SSH2: variants seen among roughly 807,000 people sequenced by gnomAD.
The protein encoded by SSH2 is slingshot protein phosphatase 2.
A neutral mutation model predicts 135.2 loss-of-function variants in SSH2; 37 were observed. The observed-to-expected ratio is 0.27, with a 90% CI of 0.21 to 0.36. SSH2 has a LOEUF of 0.36. Among genes scored for constraint, SSH2 ranks in the 10% least tolerant of loss-of-function variants. SSH2 has a pLI of 1.00. For missense variants in SSH2, 1,408 were observed against 1,765.3 expected (o/e 0.80, Z 3.63); for synonymous variants, 628 against 646.2 (o/e 0.97, Z 0.43).
chr17:29,755,699 T>C (rs990769610), intron 3 of SSH2, among the ~76,000 whole-genome samples: 5 of 150,472 alleles, frequency 3.3e-5, no homozygotes, highest in Admixed American at 6.6e-5. Context: ...TCTCGCTCTT[T>C]CGCCCAGGCT....
intron 1 of SSH2, among the ~76,000 whole-genome samples, chr17:29,914,362 C>T (rs541085223): frequency 6.6e-6 from 1 of 151,790 alleles, no homozygotes; most frequent in Non-Finnish European, 1.5e-5. Context: ...GAGTTTGAGA[C>T]CAACCTGGGC....
rs750894226 is a variant in SSH2 at position 29,631,336 on chromosome 17, A to G, written c.3858T>C (p.Ser1286=). The change falls in exon 16 of 16, where the codon TCT becomes TCC. Residue 1286 remains serine, a synonymous_variant. Transcript: ENST00000540801. The part of the protein sequence containing the change: ...TKPSQMRRSA[S]LAKLGYLDLC... ...GGTCCAAGTAACCTAATTTGGCGAGAGAAGCTGAGCGCCTCATTTGGGATG... is the reference window on the plus strand; with the variant it reads ...GGTCCAAGTAACCTAATTTGGCGAGGGAAGCTGAGCGCCTCATTTGGGATG... The G allele has an allele frequency of 2.5e-6, 4 of 1,614,010 alleles. No individual in the cohort carries two copies. The Admixed American group carries it at 5.0e-5, about 20-fold the overall frequency.
chr17:29,798,359 A>G (rs569710492), intron 2 of SSH2, among the ~76,000 whole-genome samples: 9 of 152,110 alleles, frequency 5.9e-5, no homozygotes, highest in African/African-American at 2.2e-4. Context: ...GGATTTCACC[A>G]TATTGGCCAG....
intron 1 of SSH2, among the ~76,000 whole-genome samples, chr17:29,870,995 G>A (rs2065928911): frequency 6.6e-6 from 1 of 152,094 alleles, no homozygotes; most frequent in Non-Finnish European, 1.5e-5. Flanking sequence ...ATCATACAGG[G>A]CCAACTGAAG....
intron 1 of SSH2, among the ~76,000 whole-genome samples, chr17:29,914,704 C>T (rs2066851668): frequency 6.6e-6 from 1 of 152,042 alleles, no homozygotes; most frequent in African/African-American, 2.4e-5. Context: ...TGCAAATGTC[C>T]AATGTAAAAG....
At chr17:29,725,825 T>C (rs1021389854) in intron 3 of SSH2, among the ~76,000 whole-genome samples, 2 of 151,866 alleles carry the variant, frequency 1.3e-5, no homozygotes, top group Admixed American at 6.6e-5. Flanking sequence ...AGATGATGGG[T>C]TGATAGGTGC....
At chr17:29,832,876 A>G (rs549826391) in intron 2 of SSH2, among the ~76,000 whole-genome samples, 73 of 152,218 alleles carry the variant, frequency 4.8e-4, no homozygotes, top group African/African-American at 1.6e-3. Flanking sequence ...CATGTTGGCC[A>G]GGCTGGTCTT....
intron 3 of SSH2, among the ~76,000 whole-genome samples, chr17:29,784,254 A>T (rs2041909944): frequency 6.7e-6 from 1 of 149,290 alleles, no homozygotes; most frequent in South Asian, 2.2e-4. Flanking sequence ...GCGTGGTGGC[A>T]CGCACCTGTA....
At chr17:29,692,931 T>C (rs992420493) in intron 5 of SSH2, among the ~76,000 whole-genome samples, 1 of 152,240 alleles carries the variant, frequency 6.6e-6, no homozygotes, top group Non-Finnish European at 1.5e-5. Flanking sequence ...GATTCTGATA[T>C]ACTTTAAAGT....
intron 2 of SSH2, among the ~76,000 whole-genome samples, chr17:29,821,588 C>CAGT (rs2042651627): frequency 6.6e-6 from 1 of 150,608 alleles, no homozygotes; most frequent in East Asian, 1.9e-4. Context: ...ACTTCTGATA[C>CAGT]AGTATACAGC....
At chr17:29,640,588 TA>T (rs2036116165) in intron 14 of SSH2, 1 of 151,722 alleles carries the variant, frequency 6.6e-6, no homozygotes, top group Admixed American at 6.6e-5. Flanking sequence ...CTGACACTTG[TA>T]AAAGAGAGAG....
At chr17:29,657,574 G>GTTTTTTTTT (rs764763821) in intron 11 of SSH2, among the ~76,000 whole-genome samples, 14 of 80,070 alleles carry the variant, frequency 1.7e-4, no homozygotes, top group East Asian at 4.1e-4. Context: ...CGGCTACTTT[G>GTTTTTTTTT]TTTTTTTTTT....
At position 29,848,890 on chromosome 17, in the gene SSH2, A is replaced by C. The variant is rs1267451858; in HGVS notation, c.103T>G (p.Cys35Gly). The C allele has an allele frequency of 3.9e-6, 6 of 1,534,994 alleles. No homozygotes were observed. The Admixed American group carries it at 9.8e-5, about 25-fold the overall frequency. The change falls in exon 2 of 16, where the codon TGC becomes GGC. Residue 35 changes from cysteine (C) to glycine (G), a missense_variant. Cys to Gly is a radical substitution (Grantham distance 159). Coordinates refer to ENST00000540801, the MANE Select transcript of SSH2 (RefSeq NM_001282129.2). ...LEDSESAALL[C>G]CECEESEIFT... ...ATTTCTGATTCTTCACATTCACAGC[A>C]AAGTAATGCTGCTGATTCACTGTCT...
At chr17:29,925,267 T>A in intron 1 of SSH2, 1 of 361,854 alleles carries the variant, frequency 2.8e-6, no homozygotes. Flanking sequence ...AATATAGGTA[T>A]CAATTCAGAA....
At chr17:29,900,246 C>T (rs919838584) in intron 1 of SSH2, among the ~76,000 whole-genome samples, 1 of 152,050 alleles carries the variant, frequency 6.6e-6, no homozygotes, top group African/African-American at 2.4e-5. Context: ...TCTAAAACAC[C>T]AAAAGCAATG....
chr17:29,852,717 A>T (rs1350064089), intron 1 of SSH2, among the ~76,000 whole-genome samples: 2 of 151,622 alleles, frequency 1.3e-5, no homozygotes, highest in Non-Finnish European at 2.9e-5. Context: ...ACGCCGGCTA[A>T]TTTTTTGTAT....
chr17:29,923,541 G>C (rs1307048224), intron 1 of SSH2, among the ~76,000 whole-genome samples: 1 of 151,416 alleles, frequency 6.6e-6, no homozygotes, highest in African/African-American at 2.4e-5. Context: ...GATCACTTGA[G>C]CCCAGGAGGT....
chr17:29,784,576 G>A (rs1318619476), intron 3 of SSH2, among the ~76,000 whole-genome samples: 1 of 146,508 alleles, frequency 6.8e-6, no homozygotes, highest in Admixed American at 6.9e-5. Context: ...TCCAGCCTGG[G>A]TGACAGAGCT....
At chr17:29,925,331 A>T (rs1281889399) in intron 1 of SSH2, 1 of 389,034 alleles carries the variant, frequency 2.6e-6, no homozygotes, top group Non-Finnish European at 4.5e-6. Flanking sequence ...TGATGGTCAA[A>T]GGGTACAAAG....
Sources: gnomAD v4.1 joint callset for allele counts (sites outside exome capture counted in the v4.1 genomes callset) on GRCh38, gnomAD v4.1.1 for gene constraint, MANE v1.5 for transcripts, NCBI Gene and HGNC (gene_info 2026-07-23, HGNC 2026-07-21) for gene names.